Variants in HEATR4 observed in about 807,000 individuals in gnomAD.
The protein encoded by HEATR4 is HEAT repeat containing 4, also known as HEAT repeat-containing protein 4.
In HEATR4, 95 loss-of-function variants were observed where a neutral mutation model predicts 108.8. The observed-to-expected ratio is 0.87, with a 90% CI of 0.74 to 1.04. The LOEUF is 1.04. HEATR4 is among the 50% of genes least tolerant of loss of function. The pLI, the probability that HEATR4 is intolerant of heterozygous loss-of-function variation, is 0.00. For missense variants in HEATR4, 1,152 were observed against 1,253.8 expected (o/e 0.92, Z 1.23); for synonymous variants, 443 against 459.4 (o/e 0.96, Z 0.46).
Position 73,506,574 on chromosome 14 carries a change from G to T in HEATR4, c.1882-3C>A. 6.2e-7 allele frequency: 1 copy of T among 1,606,932 alleles called. No homozygotes were observed. ...GCAAGCATGGTGTGTATCAGGGTCT[G>T]AGGAAATGGAAGACTTGTATGGATA... On this transcript the variant is annotated splice_region_variant and splice_polypyrimidine_tract_variant and intron_variant, in intron 9 of 17. Transcript: ENST00000553558.
intron 9 of HEATR4, 124 bp from the exon 10 acceptor site, chr14:73,506,695 G>A: frequency 3.2e-6 from 2 of 621,348 alleles, no homozygotes; most frequent in South Asian, 2.2e-5. Flanking sequence ...CAAGAGATGG[G>A]GCATGTTTCC....
At chr14:73,563,602 A>G (rs1382793149), upstream of HEATR4, among the ~76,000 whole-genome samples, 2 of 151,856 alleles carry the variant, frequency 1.3e-5, no homozygotes, top group African/African-American at 2.4e-5. Context: ...AAGTTCTGGA[A>G]ATGGATAATG....
chr14:73,601,964 G>T, the HEATR4 span, among the ~76,000 whole-genome samples: 1 of 150,144 alleles, frequency 6.7e-6, no homozygotes, highest in Non-Finnish European at 1.5e-5. Context: ...TTTTTGAGAC[G>T]GAGTCTAAAT....
intron 17 of HEATR4, chr14:73,491,344 G>T: frequency 1.4e-6 from 2 of 1,440,998 alleles, no homozygotes; most frequent in Non-Finnish European, 1.8e-6. Context: ...TGGAGGCCTC[G>T]CCCGCCGCGC....
At chr14:73,629,880 T>C in the HEATR4 span, among the ~76,000 whole-genome samples, 1 of 151,718 alleles carries the variant, frequency 6.6e-6, no homozygotes, top group Non-Finnish European at 1.5e-5. Context: ...ATCTCCTGAC[T>C]TTGAGATCCG....
intron 17 of HEATR4, chr14:73,490,975 C>T (rs780785161): frequency 6.1e-6 from 8 of 1,317,020 alleles, no homozygotes; most frequent in Non-Finnish European, 7.8e-6. Flanking sequence ...GCTTTAGCTT[C>T]GCCCCCGGCC....
chr14:73,573,557 A>G, the HEATR4 span: 1 of 1,613,730 alleles, frequency 6.2e-7, no homozygotes, highest in Non-Finnish European at 8.5e-7. Context: ...AGTACTTTGA[A>G]GAAGCCATGA....
At chr14:73,514,976 G>A (rs761759000) in intron 5 of HEATR4, among the ~76,000 whole-genome samples, 3 of 151,862 alleles carry the variant, frequency 2.0e-5, no homozygotes, top group Middle Eastern at 6.8e-3. Flanking sequence ...GCTGAGGCAG[G>A]AGAATCACTT....
At chr14:73,619,350 C>G in the HEATR4 span, 1 of 1,614,076 alleles carries the variant, frequency 6.2e-7, no homozygotes, top group Non-Finnish European at 8.5e-7. Context: ...CCTGTGTAGC[C>G]AACACAGTAG....
chr14:73,495,734 G>T (rs1886076196), intron 15 of HEATR4, among the ~76,000 whole-genome samples: 1 of 152,206 alleles, frequency 6.6e-6, no homozygotes, highest in African/African-American at 2.4e-5. Flanking sequence ...TGATGAACCT[G>T]CTAAGAATTG....
the HEATR4 span, chr14:73,574,879 T>G: frequency 6.2e-6 from 10 of 1,613,362 alleles, no homozygotes; most frequent in Middle Eastern, 1.2e-3. Context: ...GGAATCATTC[T>G]TCTTCTTTTT....
the HEATR4 span, among the ~76,000 whole-genome samples, chr14:73,629,524 C>G: frequency 2.0e-4 from 30 of 152,268 alleles, 1 homozygote; most frequent in South Asian, 5.8e-3. Context: ...CCACTTGGCT[C>G]TAGTGCCTTC....
At position 73,512,089 on chromosome 14, in the gene HEATR4, T is replaced by C; in HGVS notation, c.1475A>G (p.Asp492Gly). 2 of 1,614,174 alleles carry C rather than the reference T, an allele frequency of 1.2e-6. No homozygotes were observed. Among genetic ancestry groups the C allele is most frequent in the Non-Finnish European group, 8.5e-7 (1 of 1,180,028 alleles). ...GGTGATAGCTTTGATCCGAACGTCA[T>C]CATGCAGGTCTCCCAAGCTCTGAAG... ...NLLQSLGDLH[D>G]DVRIKAITTC... The change falls in exon 7 of 18, where the codon GAT becomes GGT. Residue 492 changes from aspartate to glycine, a missense_variant. Asp to Gly is a moderately conservative substitution (Grantham distance 94). Transcript: ENST00000553558.
chr14:73,615,394 AAAAAAAAAAAAAAC>A, the HEATR4 span, among the ~76,000 whole-genome samples: 1 of 116,646 alleles, frequency 8.6e-6, no homozygotes, highest in African/African-American at 3.0e-5. Context: ...CTGATAAAAA[AAAAAAAAAAAAAAC>A]AAAAAACAAA....
chr14:73,552,963 G>A lies in HEATR4; in HGVS notation c.-152+5788C>T, dbSNP rs563932013. On this transcript the variant is annotated intron_variant, in intron 1 of 17. Coordinates refer to ENST00000553558, the MANE Select transcript of HEATR4 (RefSeq NM_001220484.1). ...CATGGGTCCTATCCAGGGTTTCCCC[G>A]ACCCAAGCACACACTATTCGGCATT... 3.5e-5 allele frequency among the ~76,000 whole-genome samples: 4 copies of A among 113,726 alleles called. 1 individual carries two copies. Among genetic ancestry groups the A allele is most frequent in the Admixed American group, 2.0e-4 (2 of 10,176 alleles). The allele number at this position is 113,726 out of a possible 152,430, so 74.6% of individuals were successfully genotyped here. A position where few individuals can be genotyped will look rare whatever the true frequency, so the allele number is the denominator to read the frequency against.
chr14:73,506,946 G>A (rs560841775), intron 9 of HEATR4, among the ~76,000 whole-genome samples: 11 of 151,438 alleles, frequency 7.3e-5, no homozygotes, highest in African/African-American at 2.2e-4. Flanking sequence ...GATTACAGGC[G>A]CCTGCCACCA....
In HEATR4 at chr14:73,528,649, A is replaced by G. The variant is rs144672558; in HGVS notation, c.-73+1517T>C. 5.8e-3 allele frequency among the ~76,000 whole-genome samples: 880 copies of G among 152,282 alleles called. 59 individuals are homozygous for G. In the South Asian group the frequency reaches 0.12, roughly 21 times the overall value. Reference sequence around the variant, plus strand: ...ATAATTTAAAATCTGTAGTTTCCCAATCTGAAAATTGAGTCTGATACCTGT... The same window carrying G: ...ATAATTTAAAATCTGTAGTTTCCCAGTCTGAAAATTGAGTCTGATACCTGT... On this transcript the variant is annotated intron_variant, in intron 2 of 17. Coordinates refer to ENST00000553558, the MANE Select transcript of HEATR4 (RefSeq NM_001220484.1).
At chr14:73,626,789 CTTTTT>C in the HEATR4 span, among the ~76,000 whole-genome samples, 6 of 82,346 alleles carry the variant, frequency 7.3e-5, no homozygotes, top group East Asian at 3.6e-4. Context: ...GACAAACAGC[CTTTTT>C]TTTTTTTTTT....
chr14:73,490,960 G>T (rs1250176188), intron 17 of HEATR4: 3 of 1,293,308 alleles, frequency 2.3e-6, no homozygotes, highest in South Asian at 2.5e-5. Flanking sequence ...CTGCATTCAG[G>T]AACCGCTTTA....
Sources: gnomAD v4.1 joint callset for allele counts (sites outside exome capture counted in the v4.1 genomes callset) on GRCh38, gnomAD v4.1.1 for gene constraint, MANE v1.5 for transcripts, NCBI Gene and HGNC (gene_info 2026-07-23, HGNC 2026-07-21) for gene names.